Variants in NAV3 observed in about 807,000 individuals in gnomAD.
NAV3 encodes neuron navigator 3.
A neutral mutation model predicts 244.7 loss-of-function variants in NAV3; 87 were observed. The observed-to-expected ratio is 0.36, with a 90% CI of 0.30 to 0.42. NAV3 has a LOEUF of 0.42. Ranked by LOEUF, NAV3 falls within the 20% of genes least tolerant of loss-of-function variation. The pLI, the probability that NAV3 is intolerant of heterozygous loss-of-function variation, is 1.00. For missense variants in NAV3, 2,663 were observed against 2,893.3 expected, an observed-to-expected ratio of 0.92 and a Z score of 1.83; for synonymous variants, 1,126 against 1,042.2, an observed-to-expected ratio of 1.08 and a Z score of -1.55.
chr12:78,178,705 A>G (rs1488527335), intron 28 of NAV3, among the ~76,000 whole-genome samples: 2 of 152,136 alleles, frequency 1.3e-5, no homozygotes, highest in Non-Finnish European at 2.9e-5. Flanking sequence ...TGCTTTGCCT[A>G]CATAATTTTA....
intron 12 of NAV3, among the ~76,000 whole-genome samples, chr12:78,099,239 G>A (rs1295134228): frequency 1.3e-5 from 2 of 151,058 alleles, no homozygotes; most frequent in South Asian, 2.1e-4. Context: ...TAGTCCATAT[G>A]ATATAATTAT....
At chr12:78,197,856 G>T (rs1959202728) in intron 35 of NAV3, among the ~76,000 whole-genome samples, 1 of 151,772 alleles carries the variant, frequency 6.6e-6, no homozygotes, top group Non-Finnish European at 1.5e-5. Context: ...TTTTAATCAG[G>T]AAAATTAAAA....
chr12:78,004,779 G>C (rs527583371), intron 7 of NAV3, among the ~76,000 whole-genome samples: 23 of 152,278 alleles, frequency 1.5e-4, no homozygotes, highest in Non-Finnish European at 3.4e-4. Flanking sequence ...CATTGCCTCT[G>C]TATAGGGACA....
intron 2 of NAV3, among the ~76,000 whole-genome samples, chr12:77,795,125 A>C (rs1016105376): frequency 6.6e-6 from 1 of 152,222 alleles, no homozygotes; most frequent in African/African-American, 2.4e-5. Context: ...CCAGTTAGCC[A>C]AGTAGCAAAT....
chr12:77,626,206 T>G (rs764920248), intron 2 of NAV3, among the ~76,000 whole-genome samples: 2 of 151,754 alleles, frequency 1.3e-5, no homozygotes, highest in African/African-American at 2.4e-5. Flanking sequence ...AGAGAAAAAT[T>G]TCTGAACTTG....
chr12:77,830,558 C>T (rs142063983), upstream of NAV3, among the ~76,000 whole-genome samples: 108 of 152,332 alleles, frequency 7.1e-4, no homozygotes, highest in African/African-American at 2.5e-3. Context: ...ATGATTACTA[C>T]ATATTTAGTG....
At chr12:77,927,445 C>T (rs1310404167) in intron 1 of NAV3, among the ~76,000 whole-genome samples, 2 of 152,178 alleles carry the variant, frequency 1.3e-5, no homozygotes, top group Admixed American at 6.5e-5. Flanking sequence ...TTCTATGTAG[C>T]ACTTACTGTT....
intron 2 of NAV3, among the ~76,000 whole-genome samples, chr12:77,765,700 T>C (rs1209058886): frequency 6.6e-6 from 1 of 151,482 alleles, no homozygotes; most frequent in Non-Finnish European, 1.5e-5. Context: ...AATGGAAAAG[T>C]AGAGAAGGTA....
At chr12:77,741,172 G>GAA (rs1868328481) in intron 2 of NAV3, among the ~76,000 whole-genome samples, 93 of 86,002 alleles carry the variant, frequency 1.1e-3, no homozygotes, top group African/African-American at 3.3e-3. Flanking sequence ...AAAAAGAAAA[G>GAA]AAAGAAAAAG....
chr12:77,973,793 T>C (rs1893212726), intron 5 of NAV3, among the ~76,000 whole-genome samples: 1 of 152,154 alleles, frequency 6.6e-6, no homozygotes, highest in East Asian at 1.9e-4. Context: ...ATTTAAGCCC[T>C]TGTGAACCTG....
chr12:78,039,265 A>G (rs1880444699), intron 9 of NAV3, among the ~76,000 whole-genome samples: 1 of 152,106 alleles, frequency 6.6e-6, no homozygotes, highest in African/African-American at 2.4e-5. Flanking sequence ...GTGCTTCAAT[A>G]GGTTCTGTTT....
At chr12:78,121,565 G>A (rs545631070) in intron 15 of NAV3, among the ~76,000 whole-genome samples, 2 of 152,098 alleles carry the variant, frequency 1.3e-5, no homozygotes, top group African/African-American at 4.8e-5. Context: ...TATCGAATGC[G>A]TAGAAGTTGT....
In NAV3 at chr12:78,180,738, C is replaced by T. The variant is rs998903684; in HGVS notation, c.5518-133C>T. 12 of 729,522 alleles carry T rather than the reference C, an allele frequency of 1.6e-5. No individual in the cohort carries two copies. The South Asian group carries it at 2.6e-4, about 16-fold the overall frequency. The allele number at this position is 729,522 out of a possible 1,614,324, so 45.2% of individuals were successfully genotyped here. A position where few individuals can be genotyped will look rare whatever the true frequency, so the allele number is the denominator to read the frequency against. ...TTGGGAAGGAAATCCTATTTCATAT[C>T]TTATATTTCTTTATTTAACATATTA... is the stretch of plus-strand genomic sequence containing the variant. On this transcript the variant is annotated intron_variant, in intron 29 of 39. Transcript: ENST00000397909.
chr12:77,642,277 C>A (rs1872448579), intron 2 of NAV3, among the ~76,000 whole-genome samples: 1 of 151,986 alleles, frequency 6.6e-6, no homozygotes, highest in Non-Finnish European at 1.5e-5. Context: ...TTTTAAAAAT[C>A]TTTAATTATT....
chr12:77,943,438 C>T (rs192464365), intron 3 of NAV3, among the ~76,000 whole-genome samples: 33 of 152,284 alleles, frequency 2.2e-4, no homozygotes, highest in Admixed American at 1.8e-3. Flanking sequence ...AATTTTGAAT[C>T]TGAAGTTGGC....
At chr12:78,125,909 C>T (rs1214163232) in intron 16 of NAV3, among the ~76,000 whole-genome samples, 1 of 152,052 alleles carries the variant, frequency 6.6e-6, no homozygotes, top group South Asian at 2.1e-4. Context: ...TTTTCATATT[C>T]TTTGTGGCAT....
chr12:77,881,237 T>C (rs933060080), intron 1 of NAV3, among the ~76,000 whole-genome samples: 3 of 152,200 alleles, frequency 2.0e-5, no homozygotes, highest in Non-Finnish European at 4.4e-5. Context: ...TTTACTGTAA[T>C]GTCTTAGACC....
At chr12:77,967,165 A>C (rs1362576586) in intron 4 of NAV3, among the ~76,000 whole-genome samples, 1 of 152,082 alleles carries the variant, frequency 6.6e-6, no homozygotes, top group Non-Finnish European at 1.5e-5. Context: ...AAATGCTGCC[A>C]TTTATTCACT....
intron 16 of NAV3, 65 bp from the exon 17 acceptor site, chr12:78,127,101 TG>T: frequency 6.6e-7 from 1 of 1,515,836 alleles, no homozygotes; most frequent in Non-Finnish European, 9.1e-7. Flanking sequence ...GAACCATTTT[TG>T]TTGGATGTGT....
Sources: gnomAD v4.1 joint callset for allele counts (sites outside exome capture counted in the v4.1 genomes callset) on GRCh38, gnomAD v4.1.1 for gene constraint, MANE v1.5 for transcripts, NCBI Gene and HGNC (gene_info 2026-07-23, HGNC 2026-07-21) for gene names.